ADAD1: variants seen among roughly 807,000 people sequenced by gnomAD.
ADAD1 encodes the protein adenosine deaminase domain-containing protein 1.
Under a neutral mutation model 66.8 loss-of-function variants are expected in ADAD1, and 46 were observed. The observed-to-expected ratio is 0.69, with a 90% CI of 0.54 to 0.88. ADAD1 has a LOEUF of 0.88. ADAD1 is among the 40% of genes least tolerant of loss of function. The probability of loss-of-function intolerance (pLI) is 0.00; values close to 1 mark genes in which losing one functional copy is unlikely to be tolerated. For synonymous variants in ADAD1, 248 were observed against 229.4 expected (o/e 1.08, Z -0.73); for missense variants, 617 against 681.8 (o/e 0.91, Z 1.06).
At chr4:122,420,017 G>A (rs192770461) in intron 11 of ADAD1, among the ~76,000 whole-genome samples, 56 of 151,970 alleles carry the variant, frequency 3.7e-4, no homozygotes, top group South Asian at 3.5e-3. Context: ...TTTTACTGGA[G>A]GCATTAATAC....
chr4:122,392,755 G>A lies in ADAD1; in HGVS notation c.530-834G>A, dbSNP rs148072177. On this transcript the variant is annotated intron_variant, in intron 5 of 12. Transcript: ENST00000296513. ...TATAAATTGTTACTATATGGTATAT[G>A]GGGGATGTAGTGCTCTAAATAAATA... Among the ~76,000 whole-genome samples the A allele has an allele frequency of 4.3e-3, 650 of 152,260 alleles. 4 individuals are homozygous for A. Among genetic ancestry groups the A allele is most frequent in the African/African-American group, 0.015 (616 of 41,556 alleles).
At chr4:122,395,453 C>T (rs1448246943) in intron 6 of ADAD1, among the ~76,000 whole-genome samples, 2 of 151,876 alleles carry the variant, frequency 1.3e-5, no homozygotes, top group Non-Finnish European at 2.9e-5. Context: ...GAGGCCAAGG[C>T]GGGTGGATCA....
rs201506900 is a variant in ADAD1 at position 122,421,253 on chromosome 4, C to A, written c.1488-8C>A. On this transcript the variant is annotated splice_polypyrimidine_tract_variant and splice_region_variant and intron_variant, in intron 11 of 12. Transcript: ENST00000296513. ...GAAATTTAAAAAATTTTATTTCTCT[C>A]TGCTTAGTTCCCCATTTAAAAGTGG... The A allele has an allele frequency of 6.4e-7, 1 of 1,550,506 alleles. No individual in the cohort carries two copies. Among genetic ancestry groups the A allele is most frequent in the Non-Finnish European group, 8.7e-7 (1 of 1,144,442 alleles).
chr4:122,416,799 A>G (rs1796758696), intron 11 of ADAD1, among the ~76,000 whole-genome samples: 1 of 152,120 alleles, frequency 6.6e-6, no homozygotes, highest in Non-Finnish European at 1.5e-5. Context: ...GACTCAGTTA[A>G]GCATAACACT....
chr4:122,387,536 C>T (rs1795229062), intron 5 of ADAD1, among the ~76,000 whole-genome samples: 1 of 152,060 alleles, frequency 6.6e-6, no homozygotes, highest in Non-Finnish European at 1.5e-5. Context: ...TTATTTCTTT[C>T]TCTTCCCTGA....
intron 12 of ADAD1, among the ~76,000 whole-genome samples, chr4:122,422,274 A>G (rs536702618): frequency 2.0e-5 from 3 of 151,994 alleles, no homozygotes; most frequent in South Asian, 2.1e-4. Context: ...ATAGGTGCAC[A>G]CCACCATGCT....
chr4:122,402,914 T>G (rs1283785712), intron 7 of ADAD1, among the ~76,000 whole-genome samples: 1 of 152,176 alleles, frequency 6.6e-6, no homozygotes, highest in Non-Finnish European at 1.5e-5. Context: ...GTTTTTAATT[T>G]CTTTAAGTTG....
intron 6 of ADAD1, among the ~76,000 whole-genome samples, chr4:122,395,505 AC>A: frequency 6.7e-6 from 1 of 150,292 alleles, no homozygotes; most frequent in African/African-American, 2.4e-5. Flanking sequence ...ATATGGTGAA[AC>A]CCTGTCTCTA....
intron 4 of ADAD1, 104 bp from the exon 5 acceptor site, chr4:122,383,695 A>C: frequency 1.6e-6 from 2 of 1,266,254 alleles, no homozygotes; most frequent in Non-Finnish European, 2.1e-6. Context: ...TTTATGAGGT[A>C]GTTTTTGAGA....
At chr4:122,412,831 C>A in intron 10 of ADAD1, 22 bp downstream of exon 10, 2 of 1,591,590 alleles carry the variant, frequency 1.3e-6, no homozygotes, top group Non-Finnish European at 1.7e-6. Context: ...TTCAGAACCT[C>A]CTGGGCCTCT....
At chr4:122,423,239 G>C (rs890268898) in intron 12 of ADAD1, among the ~76,000 whole-genome samples, 4 of 152,184 alleles carry the variant, frequency 2.6e-5, no homozygotes, top group African/African-American at 9.7e-5. Context: ...TGCCAAACTT[G>C]GTAGGAAATT....
intron 6 of ADAD1, among the ~76,000 whole-genome samples, chr4:122,394,760 C>A (rs531281962): frequency 1.3e-5 from 2 of 152,064 alleles, no homozygotes; most frequent in African/African-American, 4.8e-5. Context: ...AGGATAGAAT[C>A]CTAAGTCAAG....
intron 4 of ADAD1, among the ~76,000 whole-genome samples, chr4:122,382,958 G>A (rs771027113): frequency 1.3e-5 from 2 of 152,182 alleles, no homozygotes; most frequent in Non-Finnish European, 1.5e-5. Context: ...GAGGAAATAA[G>A]AGTGGGGTTT....
At chr4:122,405,363 TTCA>T (rs1227181517) in intron 7 of ADAD1, among the ~76,000 whole-genome samples, 4 of 152,234 alleles carry the variant, frequency 2.6e-5, no homozygotes, top group African/African-American at 9.6e-5. Flanking sequence ...GTAGCCAGAC[TTCA>T]TCAAGAAGCT....
chr4:122,394,169 A>T (rs1580754202), intron 6 of ADAD1, among the ~76,000 whole-genome samples: 2 of 152,282 alleles, frequency 1.3e-5, no homozygotes, highest in South Asian at 4.1e-4. Flanking sequence ...TAGGGTTATC[A>T]TGAGGATTAA....
intron 5 of ADAD1, among the ~76,000 whole-genome samples, chr4:122,385,514 C>T (rs1345118643): frequency 6.6e-6 from 1 of 152,168 alleles, no homozygotes; most frequent in Non-Finnish European, 1.5e-5. Context: ...CTCAAGTGAT[C>T]CTCCCACCTT....
At chr4:122,410,836 A>T (rs1034701017) in intron 8 of ADAD1, among the ~76,000 whole-genome samples, 5 of 152,134 alleles carry the variant, frequency 3.3e-5, no homozygotes, top group African/African-American at 9.7e-5. Context: ...TTGGGTAGGT[A>T]AGGGGAAATA....
Position 122,429,615 on chromosome 4 carries a change from T to C in ADAD1, c.1618-11T>C. On this transcript the variant is annotated splice_polypyrimidine_tract_variant and intron_variant, in intron 12 of 12. Transcript: ENST00000296513. ...CTATTTTCTATAATTCATTTTTTCT[T>C]TCTTCTCTAGTGTATGTCTGCCTCC... 6.4e-7 allele frequency: 1 copy of C among 1,564,162 alleles called. No individual in the cohort carries two copies. The highest frequency in any genetic ancestry group is 8.8e-7 in the Non-Finnish European group (1 of 1,136,544).
chr4:122,419,922 A>G (rs917356398), intron 11 of ADAD1, among the ~76,000 whole-genome samples: 2 of 152,218 alleles, frequency 1.3e-5, no homozygotes, highest in East Asian at 3.8e-4. Context: ...GTCAAAAAAT[A>G]TTATCATGAT....
Sources: gnomAD v4.1 joint callset for allele counts (sites outside exome capture counted in the v4.1 genomes callset) on GRCh38, gnomAD v4.1.1 for gene constraint, MANE v1.5 for transcripts, NCBI Gene and HGNC (gene_info 2026-07-23, HGNC 2026-07-21) for gene names.